The following NRAP variants were observed in gnomAD, a reference collection of about 807,000 sequenced individuals.
NRAP encodes the protein nebulin related anchoring protein, also known as nebulin-related-anchoring protein.
Under a neutral mutation model 225.9 loss-of-function variants are expected in NRAP, and 189 were observed. That is an observed-to-expected ratio of 0.84 (90% CI 0.74 to 0.94). The LOEUF (loss-of-function observed/expected upper bound fraction) is 0.94, where lower values mean the gene tolerates loss of function less well. Ranked by LOEUF, NRAP falls within the 40% of genes least tolerant of loss-of-function variation. The pLI, the probability that NRAP is intolerant of heterozygous loss-of-function variation, is 0.00. For synonymous variants in NRAP, 769 were observed against 790.7 expected, an observed-to-expected ratio of 0.97 and a Z score of 0.46; for missense variants, 2,176 against 2,168.7, an observed-to-expected ratio of 1.00 and a Z score of -0.07.
chr10:113,640,306 T>A lies in NRAP; in HGVS notation c.1349A>T (p.His450Leu). Residue 450 changes from histidine to leucine, a missense_variant, in exon 14 of 42, where the codon CAT becomes CTT. Physicochemically the swap from His to Leu is moderately conservative, Grantham distance 99. Transcript: ENST00000359988. ...SNVAYKADYK[H>L]DIVDYNYPAT... ...TGGGTAGTTGTAGTCGACAATATCA[T>A]GTTTATAATCAGCTTTGTAGGCAAC... The A allele has an allele frequency of 6.3e-7, 1 of 1,598,992 alleles. No homozygotes were observed. The highest frequency in any genetic ancestry group is 1.1e-5 in the South Asian group (1 of 89,896).
At chr10:113,614,800 G>T in intron 28 of NRAP, 39 bp downstream of exon 28, 1 of 1,209,794 alleles carries the variant, frequency 8.3e-7, no homozygotes, top group Non-Finnish European at 1.2e-6. Context: ...AAACGGGTTA[G>T]TGTTGAACAT....
rs374580912 is a variant in NRAP at position 113,591,585 on chromosome 10, T to C, written c.4644+609A>G. 8.5e-5 allele frequency among the ~76,000 whole-genome samples: 13 copies of C among 152,376 alleles called. No homozygotes were observed. In the East Asian group the frequency reaches 1.7e-3, roughly 20 times the overall value. On this transcript the variant is annotated intron_variant, in intron 39 of 41. Coordinates refer to ENST00000359988, the MANE Select transcript of NRAP (RefSeq NM_198060.4). ...ATCCAATTGTGGACCAGCAGGAAAC[T>C]GTTCCCAGGTGCGCCTCCGTCTAGC...
chr10:113,639,929 T>C (rs1849102465), intron 14 of NRAP, among the ~76,000 whole-genome samples: 1 of 152,190 alleles, frequency 6.6e-6, no homozygotes, highest in Non-Finnish European at 1.5e-5. Flanking sequence ...GGAACAAGCA[T>C]TTGAAATGTG....
chr10:113,623,498 G>T (rs142470481), intron 23 of NRAP, 31 bp downstream of exon 23: 2 of 1,415,866 alleles, frequency 1.4e-6, no homozygotes, highest in African/African-American at 2.8e-5. Flanking sequence ...AGGATTCTGC[G>T]GTCTCTTGTA....
chr10:113,621,827 C>T (rs1318159109), intron 24 of NRAP, 42 bp downstream of exon 24: 6 of 1,547,560 alleles, frequency 3.9e-6, no homozygotes, highest in South Asian at 3.6e-5. Flanking sequence ...ACACACAACA[C>T]ACACATACAC....
Position 113,590,837 on chromosome 10 carries a change from C to T in NRAP, c.4697G>A (p.Arg1566His), listed in dbSNP as rs149523654. 3.8e-5 allele frequency: 62 copies of T among 1,614,184 alleles called. No homozygotes were observed. The African/African-American group carries it at 6.5e-4, about 17-fold the overall frequency. The change falls in exon 40 of 42, where the codon CGC becomes CAC. Residue 1566 changes from arginine (R) to histidine (H), a missense_variant. Coordinates refer to ENST00000359988, the MANE Select transcript of NRAP (RefSeq NM_198060.4). ...LRDRGLQIGY[R>H]SVDDDPRMKH... Reference sequence around the variant, plus strand: ...CATCCTTGGGTCATCGTCGACACTGCGGTACCCGATCTGCAGGCCTCGGTC... The same window carrying T: ...CATCCTTGGGTCATCGTCGACACTGTGGTACCCGATCTGCAGGCCTCGGTC...
chr10:113,643,128 A>G, intron 11 of NRAP, 90 bp from the exon 12 acceptor site: 1 of 677,754 alleles, frequency 1.5e-6, no homozygotes. Context: ...TATTTTTAGA[A>G]AACTTTCAAC....
chr10:113,608,543 G>A (rs370918831), intron 31 of NRAP, 31 bp from the exon 32 acceptor site: 9 of 1,382,868 alleles, frequency 6.5e-6, no homozygotes, highest in African/African-American at 2.9e-5. Context: ...GGAAGAAGAC[G>A]ACTCCGTAAG....
In NRAP at chr10:113,612,304, G is replaced by A; in HGVS notation, c.3428C>T (p.Pro1143Leu). Residue 1143 changes from proline (P) to leucine (L), a missense_variant, in exon 30 of 42, where the codon CCC (proline) becomes CTC (leucine). This residue lies in a region of NRAP where 1,708 missense variants were observed against 1,695.5 expected (regional missense o/e 1.01). Coordinates refer to ENST00000359988, the MANE Select transcript of NRAP (RefSeq NM_198060.4). ...GTCTTCTGCCAAGGAAGTGTACTGG[G>A]GCAGTGGATGTTTGTAGTCCTGATT... ...ASNQDYKHPL[P>L]QYTSLAEDLR... The A allele has an allele frequency of 1.9e-6, 3 of 1,614,184 alleles. No individual in the cohort carries two copies. The highest frequency in any genetic ancestry group is 2.5e-6 in the Non-Finnish European group (3 of 1,180,010).
chr10:113,645,210 C>T (rs1849429508), intron 11 of NRAP, among the ~76,000 whole-genome samples: 1 of 152,146 alleles, frequency 6.6e-6, no homozygotes, highest in Non-Finnish European at 1.5e-5. Context: ...ATGGATCCTC[C>T]AGTATTCTTT....
In NRAP at chr10:113,620,664, C is replaced by T; in HGVS notation, c.2814G>A (p.Trp938Ter). 1 of 1,613,616 alleles carries T rather than the reference C, an allele frequency of 6.2e-7. No homozygotes were observed. Among genetic ancestry groups the T allele is most frequent in the Admixed American group, 1.7e-5 (1 of 60,004 alleles). The change falls in exon 25 of 42, where the codon TGG (tryptophan) becomes TGA (stop). Residue 938 changes from tryptophan (W) to a stop codon, truncating the protein, a stop_gained. Coordinates refer to ENST00000359988, the MANE Select transcript of NRAP (RefSeq NM_198060.4). LOFTEE classifies it high-confidence loss of function. ...CCACATTTAATGACCCGGTGGCGAC[C>T]CAGCCCATGCCTTTCATCCACTTCA... ...ADVKWMKGMGWVATGSLNVEQ... is the reference protein window; with the variant it reads ...ADVKWMKGMG
At chr10:113,649,582 G>A (rs866591461) in intron 9 of NRAP, among the ~76,000 whole-genome samples, 13 of 152,018 alleles carry the variant, frequency 8.6e-5, no homozygotes, top group Non-Finnish European at 1.6e-4. Context: ...GCATTCTCTG[G>A]CATACTGATT....
At chr10:113,607,654 T>C (rs1193707056) in intron 32 of NRAP, among the ~76,000 whole-genome samples, 3 of 152,052 alleles carry the variant, frequency 2.0e-5, no homozygotes, top group East Asian at 3.9e-4. Flanking sequence ...TGCTTTTCAG[T>C]TGAAGCAAGT....
In NRAP at chr10:113,651,852, T is replaced by C. The variant is rs1849992058; in HGVS notation, c.626A>G (p.Asp209Gly). ...CTTGCTCCGTAGCAGCTCAGGAGTA[T>C]CCACCACCGTGGAGAACCTGGAGAT... Reference protein sequence around the residue: ...ERISRFSTVVDTPELLRSKAG... With the variant: ...ERISRFSTVVGTPELLRSKAG... Residue 209 changes from aspartate to glycine, a missense_variant, in exon 7 of 42, where the codon GAT (aspartate) becomes GGT (glycine). Transcript: ENST00000359988. The C allele has an allele frequency of 5.0e-6, 8 of 1,613,502 alleles. No homozygotes were observed. Among genetic ancestry groups the C allele is most frequent in the South Asian group, 1.1e-5 (1 of 91,040 alleles).
At chr10:113,596,586 T>A (rs944533575) in intron 37 of NRAP, among the ~76,000 whole-genome samples, 1 of 152,238 alleles carries the variant, frequency 6.6e-6, no homozygotes, top group Admixed American at 6.5e-5. Context: ...TAAATACAGC[T>A]GTTCCTATTT....
At chr10:113,626,496 T>A (rs1209389586) in intron 20 of NRAP, among the ~76,000 whole-genome samples, 1 of 152,154 alleles carries the variant, frequency 6.6e-6, no homozygotes, top group East Asian at 1.9e-4. Context: ...GAGGTTCAAA[T>A]CTTGCCTGTA....
chr10:113,648,630 G>A (rs1430485085), intron 9 of NRAP, among the ~76,000 whole-genome samples: 1 of 151,976 alleles, frequency 6.6e-6, no homozygotes, highest in Non-Finnish European at 1.5e-5. Context: ...ATAGTTATCT[G>A]CCTGCTGGCT....
rs1271039127 is a variant in NRAP, at chr10:113,589,784, G to GATTT, written c.4966_4969dup (p.Ser1657Ter). On this transcript the variant is annotated stop_gained and frameshift_variant, in exon 41 of 42. Coordinates refer to ENST00000359988, the MANE Select transcript of NRAP (RefSeq NM_198060.4). LOFTEE classifies it high-confidence loss of function. ...AACACCTCTGGTCAGGTTCAAGTCT[G>GATTT]ATTTATACTTGACCTTGAGGGTAAG... 2 of 1,613,938 alleles carry GATTT rather than the reference G, an allele frequency of 1.2e-6. No homozygotes were observed. Among genetic ancestry groups the GATTT allele is most frequent in the Admixed American group, 3.3e-5 (2 of 59,978 alleles).
rs1333712124 is a variant in NRAP at position 113,664,037 on chromosome 10, C to T, written c.-155G>A. On this transcript the variant is annotated 5_prime_UTR_variant, in exon 1 of 42. Coordinates refer to ENST00000359988, the MANE Select transcript of NRAP (RefSeq NM_198060.4). ...CCAACTTCCACTTTCCTTTGCTGAC[C>T]TTCTAGTTTGAAGTCAGCAGTTGGA... 4 of 631,720 alleles carry T rather than the reference C, an allele frequency of 6.3e-6. No homozygotes were observed. The Admixed American group carries it at 7.7e-5, about 12-fold the overall frequency. 39.1% of individuals were successfully genotyped at this position (631,720 alleles called of 1,614,324 possible).
Sources: gnomAD v4.1 joint callset for allele counts (sites outside exome capture counted in the v4.1 genomes callset) on GRCh38, gnomAD v4.1.1 for gene constraint, gnomAD v4.1.1 regional missense constraint, MANE v1.5 for transcripts, NCBI Gene and HGNC (gene_info 2026-07-23, HGNC 2026-07-21) for gene names.